Variants in ATP10B observed in about 807,000 individuals in gnomAD.
ATP10B encodes the protein phospholipid-transporting ATPase VB.
In ATP10B, 122 loss-of-function variants were observed where a neutral mutation model predicts 141.2. The ratio of observed to expected loss-of-function variants is 0.86; its 90% CI spans 0.75 to 1.00. The LOEUF (loss-of-function observed/expected upper bound fraction) is 1.00, where lower values mean the gene tolerates loss of function less well. Among genes scored for constraint, ATP10B ranks in the 50% least tolerant of loss-of-function variants. The pLI, the probability that ATP10B is intolerant of heterozygous loss-of-function variation, is 0.00. For synonymous variants in ATP10B, 685 were observed against 692.0 expected, an observed-to-expected ratio of 0.99 and a Z score of 0.16; for missense variants, 1,876 against 1,825.3, an observed-to-expected ratio of 1.03 and a Z score of -0.51.
the ATP10B span, among the ~76,000 whole-genome samples, chr5:160,867,207 T>TAC: frequency 6.6e-6 from 1 of 151,376 alleles, no homozygotes; most frequent in Non-Finnish European, 1.5e-5. Context: ...TATGCATATA[T>TAC]ATATATATGG....
chr5:160,836,234 C>A (rs1775420988), intron 1 of ATP10B, among the ~76,000 whole-genome samples: 1 of 152,072 alleles, frequency 6.6e-6, no homozygotes, highest in Admixed American at 6.6e-5. Context: ...TGTACCCCTT[C>A]AATTTACACA....
intron 21 of ATP10B, among the ~76,000 whole-genome samples, chr5:160,602,204 G>C (rs946021166): frequency 9.2e-5 from 14 of 152,186 alleles, no homozygotes; most frequent in African/African-American, 3.4e-4. Context: ...GCAAATATGA[G>C]AAAGGTACTA....
chr5:160,654,189 T>C (rs895019667), intron 7 of ATP10B, among the ~76,000 whole-genome samples: 33 of 151,570 alleles, frequency 2.2e-4, no homozygotes, highest in African/African-American at 8.0e-4. Flanking sequence ...GGTCTCAAAC[T>C]CCTGAGCTTA....
chr5:160,871,963 A>C, the ATP10B span, among the ~76,000 whole-genome samples: 1 of 152,124 alleles, frequency 6.6e-6, no homozygotes, highest in African/African-American at 2.4e-5. Flanking sequence ...TATTTAAGGA[A>C]TATCCCCACT....
In ATP10B at chr5:160,689,373, C is replaced by T. The variant is rs189598186; in HGVS notation, c.-204-430G>A. On this transcript the variant is annotated intron_variant, in intron 3 of 25. Transcript: ENST00000327245. ...TTCAACATAGTGTTGGAAATTCTGT[C>T]CAGGGCAATCAGGCAAGAGAAAGAA... Among the ~76,000 whole-genome samples, 210 of 152,254 alleles carry T rather than the reference C, an allele frequency of 1.4e-3. 1 individual carries two copies. Among genetic ancestry groups the T allele is most frequent in the Non-Finnish European group, 2.5e-3 (172 of 68,022 alleles).
At chr5:160,584,841 C>T (rs1156617331) in intron 24 of ATP10B, among the ~76,000 whole-genome samples, 1 of 152,096 alleles carries the variant, frequency 6.6e-6, no homozygotes, top group Non-Finnish European at 1.5e-5. Context: ...AATAGTGTAG[C>T]TTTTCTAGTT....
intron 7 of ATP10B, among the ~76,000 whole-genome samples, chr5:160,666,379 T>G (rs1451167345): frequency 2.6e-5 from 4 of 152,214 alleles, no homozygotes; most frequent in Non-Finnish European, 5.9e-5. Flanking sequence ...ACCTGTAATA[T>G]ACTTGCAGCA....
At chr5:160,764,383 C>T (rs1769257616) in intron 2 of ATP10B, among the ~76,000 whole-genome samples, 2 of 152,046 alleles carry the variant, frequency 1.3e-5, no homozygotes, top group South Asian at 2.1e-4. Flanking sequence ...GGGTTTCATA[C>T]CAGGGACGCA....
the ATP10B span, among the ~76,000 whole-genome samples, chr5:160,905,742 C>A: frequency 6.6e-6 from 1 of 151,408 alleles, no homozygotes; most frequent in Non-Finnish European, 1.5e-5. Flanking sequence ...AAAAAAATAA[C>A]CCAACTGTAG....
chr5:160,867,796 A>G, the ATP10B span, among the ~76,000 whole-genome samples: 22 of 152,170 alleles, frequency 1.4e-4, no homozygotes, highest in Non-Finnish European at 2.9e-4. Flanking sequence ...GGAAGAAATC[A>G]TTGATTGGAA....
chr5:160,856,939 A>AT (rs1239657956), upstream of ATP10B, among the ~76,000 whole-genome samples: 1 of 151,688 alleles, frequency 6.6e-6, no homozygotes, highest in South Asian at 2.1e-4. Flanking sequence ...ATCATGTATA[A>AT]TTTTTTAATT....
the ATP10B span, among the ~76,000 whole-genome samples, chr5:160,889,773 T>G: frequency 6.6e-6 from 1 of 152,172 alleles, no homozygotes; most frequent in Non-Finnish European, 1.5e-5. Context: ...AAATCCTGAA[T>G]AGGCCTGCAG....
chr5:160,801,121 C>T (rs753568207), intron 1 of ATP10B, among the ~76,000 whole-genome samples: 17 of 152,120 alleles, frequency 1.1e-4, no homozygotes, highest in Non-Finnish European at 1.6e-4. Flanking sequence ...AATCCACTAA[C>T]GATGTATTCA....
intron 7 of ATP10B, among the ~76,000 whole-genome samples, chr5:160,663,280 C>T (rs1243270022): frequency 2.0e-5 from 3 of 152,152 alleles, no homozygotes; most frequent in Non-Finnish European, 4.4e-5. Flanking sequence ...CCAGCCATCC[C>T]CTTACTGGAA....
intron 7 of ATP10B, among the ~76,000 whole-genome samples, chr5:160,662,310 G>A (rs867732757): frequency 8.5e-5 from 13 of 152,242 alleles, no homozygotes; most frequent in African/African-American, 3.1e-4. Flanking sequence ...AAGTTCATAT[G>A]GAACCAAAAA....
chr5:160,755,085 A>G (rs1222319154), intron 2 of ATP10B, among the ~76,000 whole-genome samples: 1 of 152,204 alleles, frequency 6.6e-6, no homozygotes, highest in Non-Finnish European at 1.5e-5. Context: ...AAAGAGGTTT[A>G]ATTGACTCAC....
chr5:160,797,410 T>G (rs560379730), intron 1 of ATP10B, among the ~76,000 whole-genome samples: 1 of 152,334 alleles, frequency 6.6e-6, no homozygotes, highest in South Asian at 2.1e-4. Flanking sequence ...CTAAATTGTT[T>G]ATTGTGAGTT....
intron 1 of ATP10B, among the ~76,000 whole-genome samples, chr5:160,809,830 G>A (rs573528824): frequency 5.9e-5 from 9 of 152,252 alleles, no homozygotes; most frequent in East Asian, 1.9e-4. Context: ...AGAAGGGATC[G>A]GGACTGAGAG....
At chr5:160,741,088 T>C (rs976690121) in intron 2 of ATP10B, among the ~76,000 whole-genome samples, 2 of 152,216 alleles carry the variant, frequency 1.3e-5, no homozygotes, top group Admixed American at 6.5e-5. Flanking sequence ...TCTCTGTTAG[T>C]AGACTGAGTC....
Sources: gnomAD v4.1 joint callset for allele counts (sites outside exome capture counted in the v4.1 genomes callset) on GRCh38, gnomAD v4.1.1 for gene constraint, MANE v1.5 for transcripts, NCBI Gene and HGNC (gene_info 2026-07-23, HGNC 2026-07-21) for gene names.